The following SLIT3 variants were observed in gnomAD, a reference collection of about 807,000 sequenced individuals.
The protein encoded by SLIT3 is slit homolog 3 protein.
Under a neutral mutation model 184.0 loss-of-function variants are expected in SLIT3, and 68 were observed. The observed-to-expected ratio is 0.37, with a 90% CI of 0.30 to 0.45. The LOEUF is 0.45. SLIT3 is among the 20% of genes least tolerant of loss of function. SLIT3 has a pLI of 1.00. For synonymous variants in SLIT3, 831 were observed against 828.6 expected, an observed-to-expected ratio of 1.00 and a Z score of -0.05; for missense variants, 1,707 against 2,026.0, an observed-to-expected ratio of 0.84 and a Z score of 3.02.
At chr5:169,179,237 G>T (rs183720239) in intron 4 of SLIT3, among the ~76,000 whole-genome samples, 1 of 150,686 alleles carries the variant, frequency 6.6e-6, no homozygotes, top group East Asian at 1.9e-4. Context: ...TGGAAGTTTA[G>T]GTCAATGTTC....
chr5:168,803,256 G>A (rs1324429662), intron 9 of SLIT3, among the ~76,000 whole-genome samples: 6 of 152,096 alleles, frequency 3.9e-5, no homozygotes, highest in Admixed American at 3.3e-4. Context: ...TTTTAAAAAC[G>A]ATGATAACAA....
chr5:169,115,391 T>G (rs895954380), intron 4 of SLIT3, among the ~76,000 whole-genome samples: 4 of 152,154 alleles, frequency 2.6e-5, no homozygotes, highest in African/African-American at 9.7e-5. Flanking sequence ...AGTTCCATGG[T>G]TTTCTCATTT....
intron 20 of SLIT3, among the ~76,000 whole-genome samples, chr5:168,733,799 T>C (rs1405805008): frequency 8.5e-6 from 1 of 117,560 alleles, no homozygotes; most frequent in African/African-American, 3.2e-5. Flanking sequence ...TAAAAAAAAA[T>C]TAAAAAAAAA....
At chr5:169,292,838 G>T (rs1683424277) in intron 1 of SLIT3, among the ~76,000 whole-genome samples, 1 of 152,228 alleles carries the variant, frequency 6.6e-6, no homozygotes, top group Admixed American at 6.5e-5. Context: ...CACAAGTCTA[G>T]AAGAGGGGAC....
At chr5:168,689,604 G>A (rs1321453151) in intron 29 of SLIT3, among the ~76,000 whole-genome samples, 1 of 152,250 alleles carries the variant, frequency 6.6e-6, no homozygotes, top group East Asian at 1.9e-4. Context: ...TAAGTTAGCA[G>A]TACATGCTAG....
chr5:169,093,004 G>C (rs192713546), intron 4 of SLIT3, among the ~76,000 whole-genome samples: 234 of 152,262 alleles, frequency 1.5e-3, no homozygotes, highest in Non-Finnish European at 2.2e-3. Flanking sequence ...GCGGAGTTCT[G>C]GAAAACGGTT....
Position 168,823,242 on chromosome 5 carries a change from C to A in SLIT3, c.629+18G>T. The A allele has an allele frequency of 1.2e-6, 2 of 1,606,432 alleles. No homozygotes were observed. The highest frequency in any genetic ancestry group is 1.1e-5 in the South Asian group (1 of 90,918). ...AGGTAGGGAGAAAATGGGAGAGATG[C>A]ACAGACTTCTTACTCACAGAGTTCG... On this transcript the variant is annotated intron_variant, in intron 7 of 35. Coordinates refer to ENST00000519560, the MANE Select transcript of SLIT3 (RefSeq NM_003062.4).
intron 4 of SLIT3, among the ~76,000 whole-genome samples, chr5:168,918,283 C>T (rs1032117443): frequency 6.6e-6 from 1 of 152,172 alleles, no homozygotes; most frequent in African/African-American, 2.4e-5. Flanking sequence ...GTCCAAAATT[C>T]AAGGTGTGGA....
At chr5:169,000,631 C>T (rs943430358) in intron 4 of SLIT3, among the ~76,000 whole-genome samples, 12 of 152,020 alleles carry the variant, frequency 7.9e-5, no homozygotes, top group Admixed American at 3.3e-4. Context: ...CAGAGCATGA[C>T]GTTAATAATA....
intron 4 of SLIT3, among the ~76,000 whole-genome samples, chr5:169,140,308 C>CAA (rs10536624): frequency 0.039 from 1,638 of 41,886 alleles, 430 homozygotes; most frequent in African/African-American, 0.099. Context: ...ACTAAAAATG[C>CAA]AAAAAAAAAA....
At chr5:169,264,090 C>A (rs973067778) in intron 1 of SLIT3, among the ~76,000 whole-genome samples, 7 of 151,698 alleles carry the variant, frequency 4.6e-5, no homozygotes, top group Non-Finnish European at 1.0e-4. Context: ...AAAAGGAGTC[C>A]AGTTAACCTA....
At chr5:168,881,456 T>G (rs1455878782) in intron 5 of SLIT3, among the ~76,000 whole-genome samples, 3 of 152,244 alleles carry the variant, frequency 2.0e-5, no homozygotes, top group African/African-American at 7.2e-5. Flanking sequence ...ATGTTCTTTT[T>G]GGTTAATGGA....
chr5:169,090,255 G>C lies in SLIT3; in HGVS notation c.413+103224C>G, dbSNP rs924437652. ...GTGAAGGGGAGGAGGGAGGAAAAGA[G>C]AGCAGAGAAGGAGGAGAAATAATAG... On this transcript the variant is annotated intron_variant, in intron 4 of 35. Transcript: ENST00000519560. Among the ~76,000 whole-genome samples, 5 of 152,284 alleles carry C rather than the reference G, an allele frequency of 3.3e-5. No individual in the cohort carries two copies. In the South Asian group the frequency reaches 8.3e-4, roughly 25 times the overall value.
At chr5:168,856,170 A>G (rs1467221969) in intron 5 of SLIT3, among the ~76,000 whole-genome samples, 2 of 152,206 alleles carry the variant, frequency 1.3e-5, no homozygotes, top group Non-Finnish European at 2.9e-5. Context: ...TTGCGAGTGT[A>G]CTAAATGCCA....
At chr5:168,968,679 G>A (rs1396365907) in intron 4 of SLIT3, among the ~76,000 whole-genome samples, 1 of 152,184 alleles carries the variant, frequency 6.6e-6, no homozygotes, top group Non-Finnish European at 1.5e-5. Context: ...AAAGCTAAGA[G>A]TATCCTCTCT....
intron 4 of SLIT3, among the ~76,000 whole-genome samples, chr5:169,142,752 A>G (rs1049517686): frequency 6.6e-6 from 1 of 151,986 alleles, no homozygotes; most frequent in African/African-American, 2.4e-5. Context: ...CTACCCCCAC[A>G]CCTACTCCTC....
chr5:169,237,427 T>C (rs1765241248), intron 3 of SLIT3, among the ~76,000 whole-genome samples: 1 of 152,220 alleles, frequency 6.6e-6, no homozygotes, highest in Non-Finnish European at 1.5e-5. Context: ...TCTGAATCCC[T>C]AGCAACCATA....
chr5:169,003,238 C>T (rs1755781854), intron 4 of SLIT3, among the ~76,000 whole-genome samples: 1 of 152,196 alleles, frequency 6.6e-6, no homozygotes, highest in South Asian at 2.1e-4. Flanking sequence ...CAAGTTGTCA[C>T]TATTCCTTGG....
rs115848184 is a variant in SLIT3, at chr5:169,131,260, C to T, written c.413+62219G>A. On this transcript the variant is annotated intron_variant, in intron 4 of 35. Transcript: ENST00000519560. ...GGGATTACTGATTGTAAATTACATGCTTGGAATAGGTTAGCACAGTGGTTC... is the reference window on the plus strand; with the variant it reads ...GGGATTACTGATTGTAAATTACATGTTTGGAATAGGTTAGCACAGTGGTTC... 5.6e-3 allele frequency among the ~76,000 whole-genome samples: 850 copies of T among 152,288 alleles called. 13 individuals carry two copies. Among genetic ancestry groups the T allele is most frequent in the Middle Eastern group, 0.037 (11 of 294 alleles).
Sources: allele counts gnomAD v4.1 joint callset (sites outside exome capture counted in the v4.1 genomes callset), GRCh38; gene constraint gnomAD v4.1.1; transcripts MANE v1.5; gene names NCBI Gene and HGNC (gene_info 2026-07-23, HGNC 2026-07-21).